Variants in PARD3 observed in about 807,000 individuals in gnomAD.
PARD3 encodes par-3 family cell polarity regulator.
A neutral mutation model predicts 155.4 loss-of-function variants in PARD3; 75 were observed. The ratio of observed to expected loss-of-function variants is 0.48; its 90% confidence interval spans 0.40 to 0.58. PARD3 has a LOEUF of 0.58. PARD3 is among the 20% of genes least tolerant of loss of function. The probability of loss-of-function intolerance (pLI) is 0.00; values close to 1 mark genes in which losing one functional copy is unlikely to be tolerated. For synonymous variants in PARD3, 576 were observed against 610.5 expected (o/e 0.94, Z 0.83); for missense variants, 1,642 against 1,721.7 (o/e 0.95, Z 0.82).
rs115160181 is a variant in PARD3 at position 34,131,388 on chromosome 10, G to A, written c.3540+75C>T. 1.0e-3 allele frequency: 1,587 copies of A among 1,540,718 alleles called. 12 individuals are homozygous for A. In the African/African-American group the frequency reaches 0.018, roughly 18 times the overall value. On this transcript the variant is annotated intron_variant, in intron 23 of 24. Coordinates refer to ENST00000374788, the MANE Select transcript of PARD3 (RefSeq NM_001184785.2). ...ATCTTGTCTCGTTTCATAGAGCATT[G>A]AGGTCATAGCTTAGTGGCCTTTGCT...
chr10:34,691,974 T>C (rs2094070814), intron 2 of PARD3, among the ~76,000 whole-genome samples: 1 of 152,238 alleles, frequency 6.6e-6, no homozygotes, highest in Non-Finnish European at 1.5e-5. Flanking sequence ...GGCCCACGCC[T>C]GTAATCCCAG....
chr10:34,661,804 G>C (rs1315917911), intron 2 of PARD3, among the ~76,000 whole-genome samples: 1 of 152,208 alleles, frequency 6.6e-6, no homozygotes, highest in Non-Finnish European at 1.5e-5. Flanking sequence ...GACAGTAAAT[G>C]AGATAAGAGG....
At chr10:34,398,109 T>C (rs879441613) in intron 7 of PARD3, among the ~76,000 whole-genome samples, 1 of 152,190 alleles carries the variant, frequency 6.6e-6, no homozygotes, top group African/African-American at 2.4e-5. Context: ...AAATTCAAGG[T>C]GAATGTTATA....
Position 34,662,963 on chromosome 10 carries a change from T to C in PARD3, c.222+33355A>G, listed in dbSNP as rs558663523. ...ACAAACATTGCATGTTCTCACTCAT[T>C]TGTGGGAGCTAAAAATTAAAACAAC... is the stretch of plus-strand genomic sequence containing the variant. On this transcript the variant is annotated intron_variant, in intron 2 of 24. Transcript: ENST00000374788. 2.6e-5 allele frequency among the ~76,000 whole-genome samples: 4 copies of C among 151,952 alleles called. No homozygotes were observed. In the South Asian group the frequency reaches 8.3e-4, roughly 32 times the overall value.
chr10:34,155,433 G>C (rs78674025), intron 22 of PARD3, among the ~76,000 whole-genome samples: 2,256 of 152,256 alleles, frequency 0.015, 59 homozygotes, highest in African/African-American at 0.051. Flanking sequence ...GAGCTGTAAG[G>C]CTAATGGATG....
chr10:34,648,175 C>T (rs1443839463), intron 2 of PARD3, among the ~76,000 whole-genome samples: 1 of 152,134 alleles, frequency 6.6e-6, no homozygotes, highest in African/African-American at 2.4e-5. Context: ...ATATGTGAAC[C>T]CCAGATGCAA....
rs931074649 is a variant in PARD3, at chr10:34,268,545, T to G, written c.3419+1112A>C. ...AACCAACCCAAATGTCCATCAATGA[T>G]AGACTGGATTAAGAAAATGTGGCAC... On this transcript the variant is annotated intron_variant, in intron 22 of 24. Transcript: ENST00000374788. Among the ~76,000 whole-genome samples the G allele has an allele frequency of 7.3e-5, 11 of 151,542 alleles. 1 individual carries two copies. Among genetic ancestry groups the G allele is most frequent in the Admixed American group, 1.3e-4 (2 of 15,196 alleles).
At chr10:34,675,239 T>G (rs762498855) in intron 2 of PARD3, among the ~76,000 whole-genome samples, 10 of 152,328 alleles carry the variant, frequency 6.6e-5, no homozygotes, top group Admixed American at 1.3e-4. Context: ...AGCATCATTG[T>G]TTTTCTGCTG....
intron 1 of PARD3, among the ~76,000 whole-genome samples, chr10:34,712,030 G>C (rs995636362): frequency 6.6e-6 from 1 of 152,176 alleles, no homozygotes; most frequent in Non-Finnish European, 1.5e-5. Flanking sequence ...TCCCCAGTGT[G>C]ACTGGCCAGG....
intron 5 of PARD3, among the ~76,000 whole-genome samples, chr10:34,419,449 G>A (rs11009782): frequency 0.11 from 17,204 of 151,990 alleles, 3,005 homozygotes; most frequent in African/African-American, 0.38. Context: ...CCCAGCAGGC[G>A]GAGGTTTCAG....
At chr10:34,361,197 G>A (rs1296177507) in intron 12 of PARD3, among the ~76,000 whole-genome samples, 2 of 152,190 alleles carry the variant, frequency 1.3e-5, no homozygotes, top group East Asian at 3.8e-4. Context: ...TAGGATGCTT[G>A]TTCAAGCACA....
chr10:34,570,505 G>A (rs1244161068), intron 2 of PARD3, among the ~76,000 whole-genome samples: 1 of 152,114 alleles, frequency 6.6e-6, no homozygotes, highest in Admixed American at 6.5e-5. Flanking sequence ...ATGCTGCAGT[G>A]AGCCAACTGA....
chr10:34,493,856 T>A (rs1420686664), intron 3 of PARD3, among the ~76,000 whole-genome samples: 1 of 152,210 alleles, frequency 6.6e-6, no homozygotes, highest in Non-Finnish European at 1.5e-5. Context: ...TTTATTAGTA[T>A]CTACACACAT....
intron 22 of PARD3, among the ~76,000 whole-genome samples, chr10:34,155,163 G>T (rs560031030): frequency 2.0e-5 from 3 of 152,274 alleles, no homozygotes; most frequent in South Asian, 4.1e-4. Context: ...CAGGTTGAGC[G>T]GTCAGCCTAT....
chr10:34,469,965 CA>C lies in PARD3; in HGVS notation c.582+119del, dbSNP rs967597850. 9 of 713,414 alleles carry C rather than the reference CA, an allele frequency of 1.3e-5. No individual in the cohort carries two copies. The African/African-American group carries it at 1.4e-4, about 11-fold the overall frequency. 44.2% of individuals were successfully genotyped at this position (713,414 alleles called of 1,614,324 possible). A position where few individuals can be genotyped will look rare whatever the true frequency, so the allele number is the denominator to read the frequency against. ...GATATGAAAGTTGGTACCACGCTCA[CA>C]AAAGGCCATCATGAAGATGCCCTGG... is the stretch of plus-strand genomic sequence containing the variant. On this transcript the variant is annotated intron_variant, in intron 4 of 24. Coordinates refer to ENST00000374788, the MANE Select transcript of PARD3 (RefSeq NM_001184785.2).
intron 3 of PARD3, among the ~76,000 whole-genome samples, chr10:34,497,177 C>T (rs2080348614): frequency 6.6e-6 from 1 of 152,158 alleles, no homozygotes; most frequent in African/African-American, 2.4e-5. Context: ...GTTGGTTCCA[C>T]ATTCATGGAT....
chr10:34,213,712 G>A lies in PARD3; in HGVS notation c.3419+55945C>T, dbSNP rs898968018. On this transcript the variant is annotated intron_variant, in intron 22 of 24. Transcript: ENST00000374788. ...GAGATAAGATGGCTACATGATACCAGGGATAAAGGCAAGGTAAAACCACTG... is the reference window on the plus strand; with the variant it reads ...GAGATAAGATGGCTACATGATACCAAGGATAAAGGCAAGGTAAAACCACTG... Among the ~76,000 whole-genome samples the A allele has an allele frequency of 9.2e-5, 14 of 152,124 alleles. No individual in the cohort carries two copies. In the East Asian group the frequency reaches 2.7e-3, roughly 29 times the overall value.
At chr10:34,688,100 G>A (rs544252637) in intron 2 of PARD3, among the ~76,000 whole-genome samples, 2 of 152,122 alleles carry the variant, frequency 1.3e-5, no homozygotes, top group South Asian at 4.2e-4. Flanking sequence ...TGATCCACCC[G>A]CTTTGGCCTC....
At chr10:34,373,339 G>A (rs1840888134) in intron 11 of PARD3, among the ~76,000 whole-genome samples, 1 of 151,702 alleles carries the variant, frequency 6.6e-6, no homozygotes, top group Admixed American at 6.6e-5. Context: ...AAAAACAGAA[G>A]CCTGGAAGAT....
Sources: allele counts gnomAD v4.1 joint callset (sites outside exome capture counted in the v4.1 genomes callset), GRCh38; gene constraint gnomAD v4.1.1; transcripts MANE v1.5; gene names NCBI Gene and HGNC (gene_info 2026-07-23, HGNC 2026-07-21).